Variants in PLCB1 observed in about 807,000 individuals in gnomAD.
PLCB1 encodes the protein 1-phosphatidylinositol 4,5-bisphosphate phosphodiesterase beta-1.
PLCB1 carries 46 observed loss-of-function variants against 161.8 expected under a neutral mutation model. The observed-to-expected ratio is 0.28, with a 90% CI of 0.22 to 0.36. The LOEUF is 0.36. PLCB1 is among the 10% of genes least tolerant of loss of function. The pLI is 1.00. For synonymous variants in PLCB1, 517 were observed against 503.7 expected, an observed-to-expected ratio of 1.03 and a Z score of -0.35; for missense variants, 1,016 against 1,472.5, an observed-to-expected ratio of 0.69 and a Z score of 5.07.
At chr20:8,649,819 C>T (rs1297404254) in intron 7 of PLCB1, 1 of 198,370 alleles carries the variant, frequency 5.0e-6, no homozygotes, top group Admixed American at 5.4e-5. Flanking sequence ...TATACAGTTT[C>T]AAGTATTCTG....
chr20:8,365,500 C>T (rs1415502980), intron 2 of PLCB1, among the ~76,000 whole-genome samples: 1 of 152,064 alleles, frequency 6.6e-6, no homozygotes, highest in Non-Finnish European at 1.5e-5. Context: ...AGGTGGCAGA[C>T]GGTGCAGAGA....
At chr20:8,782,702 A>G (rs1983301199) in intron 27 of PLCB1, among the ~76,000 whole-genome samples, 1 of 150,288 alleles carries the variant, frequency 6.7e-6, no homozygotes, top group African/African-American at 2.4e-5. Context: ...CTTAGTTCAG[A>G]TGTTTTGTAA....
At chr20:8,823,779 G>A (rs937855315) in intron 31 of PLCB1, among the ~76,000 whole-genome samples, 1 of 152,128 alleles carries the variant, frequency 6.6e-6, no homozygotes, top group Non-Finnish European at 1.5e-5. Context: ...CAGCACTAAC[G>A]CCTTCTACAC....
intron 2 of PLCB1, among the ~76,000 whole-genome samples, chr20:8,174,465 G>A (rs1281903396): frequency 1.3e-5 from 2 of 152,114 alleles, no homozygotes; most frequent in African/African-American, 2.4e-5. Flanking sequence ...ATTGACTAAT[G>A]GAATTTTATA....
intron 2 of PLCB1, among the ~76,000 whole-genome samples, chr20:8,159,091 C>T (rs1299849628): frequency 1.3e-5 from 2 of 152,330 alleles, no homozygotes; most frequent in Admixed American, 6.5e-5. Context: ...CCCACATTTC[C>T]CTTCTGCACT....
chr20:8,651,660 C>T, intron 7 of PLCB1: 1 of 563,968 alleles, frequency 1.8e-6, no homozygotes, highest in Non-Finnish European at 3.1e-6. Flanking sequence ...GAAAATGAAA[C>T]TCAAGGTTTC....
At chr20:8,264,731 A>T (rs1306810851) in intron 2 of PLCB1, among the ~76,000 whole-genome samples, 1 of 152,052 alleles carries the variant, frequency 6.6e-6, no homozygotes, top group Non-Finnish European at 1.5e-5. Context: ...GTGTGTGTGT[A>T]TGTAGGTACA....
intron 2 of PLCB1, among the ~76,000 whole-genome samples, chr20:8,351,324 A>C (rs1162490874): frequency 6.6e-6 from 1 of 152,242 alleles, no homozygotes; most frequent in East Asian, 1.9e-4. Flanking sequence ...TTCATACTTT[A>C]CAAAAAAAAT....
chr20:8,390,984 T>G (rs1362035403), intron 3 of PLCB1, among the ~76,000 whole-genome samples: 1 of 151,798 alleles, frequency 6.6e-6, no homozygotes, highest in Non-Finnish European at 1.5e-5. Flanking sequence ...CTAACACAAT[T>G]GTCACATCCA....
rs551643611 is a variant in PLCB1 at position 8,831,589 on chromosome 20, T to C, written c.3423+41328T>C. ...ATTTTATTGTAATGTGCCTCATTTTTCCTAAAAACTAAACCCCAAAATATA... is the reference window on the plus strand; with the variant it reads ...ATTTTATTGTAATGTGCCTCATTTTCCCTAAAAACTAAACCCCAAAATATA... On this transcript the variant is annotated intron_variant, in intron 31 of 31. Coordinates refer to ENST00000338037, the MANE Select transcript of PLCB1 (RefSeq NM_015192.4). 4.6e-5 allele frequency among the ~76,000 whole-genome samples: 7 copies of C among 152,322 alleles called. No homozygotes were observed. The South Asian group carries it at 1.0e-3, about 23-fold the overall frequency.
intron 3 of PLCB1, among the ~76,000 whole-genome samples, chr20:8,413,067 A>G (rs889234370): frequency 1.3e-5 from 2 of 151,474 alleles, no homozygotes; most frequent in African/African-American, 4.9e-5. Context: ...GACTTTGACC[A>G]AATTGTGTAG....
intron 3 of PLCB1, among the ~76,000 whole-genome samples, chr20:8,591,556 C>G (rs1022312637): frequency 6.6e-6 from 1 of 152,054 alleles, no homozygotes; most frequent in Non-Finnish European, 1.5e-5. Context: ...AGTGCTTGCC[C>G]AAGTAGAATG....
chr20:8,350,067 G>C (rs1197236096), intron 2 of PLCB1, among the ~76,000 whole-genome samples: 2 of 152,102 alleles, frequency 1.3e-5, no homozygotes, highest in African/African-American at 4.8e-5. Context: ...TGAACAATTG[G>C]AACTTGAAAT....
intron 9 of PLCB1, among the ~76,000 whole-genome samples, chr20:8,682,566 C>T (rs974094651): frequency 3.3e-5 from 5 of 152,130 alleles, no homozygotes; most frequent in Admixed American, 1.3e-4. Flanking sequence ...AAGCAGTCAT[C>T]GGTCACCTTG....
At chr20:8,580,626 A>G (rs1407269406) in intron 3 of PLCB1, among the ~76,000 whole-genome samples, 1 of 152,268 alleles carries the variant, frequency 6.6e-6, no homozygotes, top group Non-Finnish European at 1.5e-5. Flanking sequence ...AATATGCTTT[A>G]ATAATGATTT....
chr20:8,210,010 A>C (rs1041670900), intron 2 of PLCB1, among the ~76,000 whole-genome samples: 2 of 152,044 alleles, frequency 1.3e-5, no homozygotes, highest in African/African-American at 4.8e-5. Context: ...GCTGATTTTT[A>C]ACTATTTTGT....
chr20:8,288,103 C>T (rs1333279847), intron 2 of PLCB1, among the ~76,000 whole-genome samples: 3 of 152,148 alleles, frequency 2.0e-5, no homozygotes, highest in Admixed American at 1.3e-4. Flanking sequence ...GAGGACCCTC[C>T]AATCGGTACA....
intron 17 of PLCB1, 140 bp from the exon 18 acceptor site, chr20:8,728,909 TA>T: frequency 3.8e-6 from 2 of 527,782 alleles, no homozygotes; most frequent in Non-Finnish European, 6.1e-6. Flanking sequence ...AAATTAACAC[TA>T]AATATCCCAA....
At chr20:8,261,362 C>T (rs1981686996) in intron 2 of PLCB1, among the ~76,000 whole-genome samples, 2 of 152,232 alleles carry the variant, frequency 1.3e-5, no homozygotes, top group South Asian at 2.1e-4. Flanking sequence ...CCCTCTGCCT[C>T]CCCTTATCTC....
Sources: allele counts gnomAD v4.1 joint callset (sites outside exome capture counted in the v4.1 genomes callset), GRCh38; gene constraint gnomAD v4.1.1; transcripts MANE v1.5; gene names NCBI Gene and HGNC (gene_info 2026-07-23, HGNC 2026-07-21).